STX8: variants seen among roughly 807,000 people sequenced by gnomAD.
STX8 encodes syntaxin 8.
A neutral mutation model predicts 37.5 loss-of-function variants in STX8; 23 were observed. The ratio of observed to expected loss-of-function variants is 0.61; its 90% CI spans 0.44 to 0.87. The LOEUF (loss-of-function observed/expected upper bound fraction) is 0.87. STX8 is among the 40% of genes least tolerant of loss of function. STX8 has a pLI of 0.00. For missense variants in STX8, 313 were observed against 284.7 expected, an observed-to-expected ratio of 1.10 and a Z score of -0.71; for synonymous variants, 115 against 99.1, an observed-to-expected ratio of 1.16 and a Z score of -0.95.
intron 6 of STX8, among the ~76,000 whole-genome samples, chr17:9,401,822 A>T (rs1912629730): frequency 6.6e-6 from 1 of 152,176 alleles, no homozygotes; most frequent in South Asian, 2.1e-4. Context: ...CTCTTGTTTT[A>T]AAAAAACAAG....
Position 9,421,528 on chromosome 17 carries a change from G to T in STX8, c.542-42875C>A, listed in dbSNP as rs767758491. 7.9e-5 allele frequency among the ~76,000 whole-genome samples: 12 copies of T among 151,144 alleles called. 1 individual carries two copies. Among genetic ancestry groups the T allele is most frequent in the Non-Finnish European group, 1.6e-4 (11 of 67,944 alleles). ...ACAGCCATGCTTATGCCTTTACATG[G>T]TGACCCTGGCTGCTTTATCCTTTCC... On this transcript the variant is annotated intron_variant, in intron 6 of 7. Transcript: ENST00000306357.
At chr17:9,335,126 C>A (rs974604662) in intron 7 of STX8, among the ~76,000 whole-genome samples, 1 of 152,152 alleles carries the variant, frequency 6.6e-6, no homozygotes, top group African/African-American at 2.4e-5. Context: ...TACCCCTGCT[C>A]TCTTTAAAAT....
At chr17:9,492,457 T>C (rs2142477937) in intron 5 of STX8, among the ~76,000 whole-genome samples, 1 of 152,374 alleles carries the variant, frequency 6.6e-6, no homozygotes, top group African/African-American at 2.4e-5. Context: ...TAAGTTTTAC[T>C]GACGGCCGTA....
intron 7 of STX8, among the ~76,000 whole-genome samples, chr17:9,261,561 G>A (rs552092325): frequency 5.2e-4 from 79 of 152,260 alleles, no homozygotes; most frequent in African/African-American, 1.8e-3. Context: ...TAAAAACTCT[G>A]CCGCTATTGT....
intron 4 of STX8, among the ~76,000 whole-genome samples, chr17:9,533,019 A>G (rs1214557661): frequency 6.6e-6 from 1 of 152,260 alleles, no homozygotes; most frequent in African/African-American, 2.4e-5. Context: ...TCCTTGCACC[A>G]AATTATCTAT....
At chr17:9,331,683 A>G (rs923454741) in intron 7 of STX8, among the ~76,000 whole-genome samples, 2 of 152,180 alleles carry the variant, frequency 1.3e-5, no homozygotes, top group African/African-American at 4.8e-5. Context: ...GCTTTCCCCA[A>G]TGAGTCCTGT....
At chr17:9,546,591 GTT>G (rs386385626) in intron 3 of STX8, among the ~76,000 whole-genome samples, 72 of 52,214 alleles carry the variant, frequency 1.4e-3, no homozygotes, top group Admixed American at 4.6e-3. Context: ...TACAAAAGTG[GTT>G]TTTTTTTTTT....
At chr17:9,558,826 A>G (rs1045407245) in intron 2 of STX8, among the ~76,000 whole-genome samples, 42 of 151,940 alleles carry the variant, frequency 2.8e-4, no homozygotes, top group African/African-American at 9.2e-4. Flanking sequence ...CCGTCTCAAA[A>G]AAAAAAAAAA....
rs371604344 is a variant in STX8 at position 9,400,398 on chromosome 17, C to T, written c.542-21745G>A. ...TACAGGTGTGAGCCACCGCACCAGG[C>T]TTATTTATTTATTTTTTTTTTTTTG... On this transcript the variant is annotated intron_variant, in intron 6 of 7. Transcript: ENST00000306357. Among the ~76,000 whole-genome samples the T allele has an allele frequency of 2.2e-5, 3 of 135,518 alleles. No individual in the cohort carries two copies. In the South Asian group the frequency reaches 8.6e-4, roughly 39 times the overall value. 88.9% of individuals were successfully genotyped at this position (135,518 alleles called of 152,430 possible).
intron 7 of STX8, among the ~76,000 whole-genome samples, chr17:9,329,368 T>C (rs1177499784): frequency 6.6e-6 from 1 of 152,166 alleles, no homozygotes; most frequent in Admixed American, 6.6e-5. Context: ...GACCAGCTCA[T>C]TTTCCAACAC....
chr17:9,445,584 T>C (rs1313030485), intron 6 of STX8, among the ~76,000 whole-genome samples: 1 of 150,712 alleles, frequency 6.6e-6, no homozygotes, highest in Non-Finnish European at 1.5e-5. Context: ...GGAAGGCATA[T>C]TTACTTAAGA....
intron 2 of STX8, among the ~76,000 whole-genome samples, chr17:9,561,091 C>G (rs1017781893): frequency 1.3e-5 from 2 of 149,112 alleles, no homozygotes; most frequent in Non-Finnish European, 2.9e-5. Flanking sequence ...TTTACACACA[C>G]AAAACAAAAT....
At chr17:9,350,563 G>C (rs1910675312) in intron 7 of STX8, among the ~76,000 whole-genome samples, 1 of 151,864 alleles carries the variant, frequency 6.6e-6, no homozygotes, top group African/African-American at 2.4e-5. Context: ...TTGAGACGGA[G>C]TCTCTGTTGC....
rs908966115 is a variant in STX8 at position 9,415,038 on chromosome 17, G to A, written c.542-36385C>T. On this transcript the variant is annotated intron_variant, in intron 6 of 7. Coordinates refer to ENST00000306357, the MANE Select transcript of STX8 (RefSeq NM_004853.3). ...ACTCCTGACCTCAGGTGGCCCACCCGCCTCGGCCTCCCAAAGTGCTGGGAT... is the reference window on the plus strand; with the variant it reads ...ACTCCTGACCTCAGGTGGCCCACCCACCTCGGCCTCCCAAAGTGCTGGGAT... Among the ~76,000 whole-genome samples the A allele has an allele frequency of 5.3e-5, 8 of 151,974 alleles. No individual in the cohort carries two copies. The East Asian group carries it at 9.7e-4, about 18-fold the overall frequency.
chr17:9,274,744 C>CTTTTTTTTTTTTTTTTTTTTTTT (rs201550065), intron 7 of STX8, among the ~76,000 whole-genome samples: 1 of 88,884 alleles, frequency 1.1e-5, no homozygotes, highest in Non-Finnish European at 2.3e-5. Flanking sequence ...ACAACAATTT[C>CTTTTTTTTTTTTTTTTTTTTTTT]TTTTTTCTTT....
At chr17:9,560,095 G>A (rs1406135873) in intron 2 of STX8, among the ~76,000 whole-genome samples, 1 of 150,884 alleles carries the variant, frequency 6.6e-6, no homozygotes. Context: ...AGGCCGGGCT[G>A]AAAGACTATT....
rs142556584 is a variant in STX8, at chr17:9,438,028, C to T, written c.541+53801G>A. On this transcript the variant is annotated intron_variant, in intron 6 of 7. Transcript: ENST00000306357. ...TTGGGAGGCCGAGGTGGGCAGATCA[C>T]GAGGTCAGGAGTTTGAGACCAGCCT... 131 of 152,124 alleles carry T rather than the reference C, an allele frequency of 8.6e-4. 1 individual carries two copies. The East Asian group carries it at 0.024, about 28-fold the overall frequency. The allele number at this position is 152,124 out of a possible 1,614,324, so 9.4% of individuals were successfully genotyped here. A position where few individuals can be genotyped will look rare whatever the true frequency, so the allele number is the denominator to read the frequency against.
chr17:9,305,128 C>G lies in STX8; in HGVS notation c.644-54483G>C, dbSNP rs898794265. On this transcript the variant is annotated intron_variant, in intron 7 of 7. Transcript: ENST00000306357. ...TTATTTTTTGAGATGGAGTCTCGCTCTGTTGCCAGGCTGGAGTGCAGTGGC... is the reference window on the plus strand; with the variant it reads ...TTATTTTTTGAGATGGAGTCTCGCTGTGTTGCCAGGCTGGAGTGCAGTGGC... Among the ~76,000 whole-genome samples the G allele has an allele frequency of 4.6e-5, 7 of 151,930 alleles. No homozygotes were observed. In the East Asian group the frequency reaches 1.3e-3, roughly 29 times the overall value.
Position 9,334,140 on chromosome 17 carries a change from G to C in STX8, c.643+44412C>G, listed in dbSNP as rs547898017. 3.0e-3 allele frequency among the ~76,000 whole-genome samples: 451 copies of C among 150,962 alleles called. 1 individual carries two copies. Among genetic ancestry groups the C allele is most frequent in the Non-Finnish European group, 4.6e-3 (313 of 67,438 alleles). On this transcript the variant is annotated intron_variant, in intron 7 of 7. Coordinates refer to ENST00000306357, the MANE Select transcript of STX8 (RefSeq NM_004853.3). ...TGCACTGAGTCAGTTCCTGGGTGCG[G>C]GGGGGTGTGGGGGTGGGGGGCAGTC... is the stretch of plus-strand genomic sequence containing the variant.
Sources: allele counts gnomAD v4.1 joint callset (sites outside exome capture counted in the v4.1 genomes callset), GRCh38; gene constraint gnomAD v4.1.1; transcripts MANE v1.5; gene names NCBI Gene and HGNC (gene_info 2026-07-23, HGNC 2026-07-21).